Variants in SLC35F1 observed in about 807,000 individuals in gnomAD.
SLC35F1 encodes the protein chromosome 6 open reading frame 169.
SLC35F1 carries 14 observed loss-of-function variants against 48.7 expected under a neutral mutation model. The observed-to-expected ratio is 0.29, with a 90% CI of 0.19 to 0.45. The LOEUF is 0.45. Ranked by LOEUF, SLC35F1 falls within the 20% of genes least tolerant of loss-of-function variation. SLC35F1 has a pLI of 1.00. For missense variants in SLC35F1, 404 were observed against 500.0 expected (o/e 0.81, Z 1.83); for synonymous variants, 190 against 202.2 (o/e 0.94, Z 0.51).
intron 1 of SLC35F1, among the ~76,000 whole-genome samples, chr6:118,112,087 T>TTTA (rs772972832): frequency 0.14 from 1,911 of 13,734 alleles, 38 homozygotes; most frequent in South Asian, 0.38. Flanking sequence ...TATTTCTTTC[T>TTTA]TTTCTTTTCT....
intron 1 of SLC35F1, among the ~76,000 whole-genome samples, chr6:117,937,481 C>G (rs968141571): frequency 1.3e-5 from 2 of 152,140 alleles, no homozygotes; most frequent in African/African-American, 2.4e-5. Flanking sequence ...TAAAAAACTC[C>G]TGCCCAAATT....
intron 1 of SLC35F1, among the ~76,000 whole-genome samples, chr6:118,118,169 A>AT (rs1351587797): frequency 3.3e-5 from 5 of 152,298 alleles, no homozygotes; most frequent in East Asian, 3.9e-4. Context: ...TGTCAATACC[A>AT]TCTTGCATTT....
At chr6:118,037,315 T>C (rs575372623) in intron 1 of SLC35F1, among the ~76,000 whole-genome samples, 2 of 152,334 alleles carry the variant, frequency 1.3e-5, no homozygotes, top group East Asian at 3.9e-4. Flanking sequence ...TTGGGAAGTT[T>C]AGACCACTAT....
chr6:117,999,155 A>G, intron 1 of SLC35F1: 1 of 1,594,452 alleles, frequency 6.3e-7, no homozygotes, highest in East Asian at 2.2e-5. Context: ...GCAGGCCAAC[A>G]ATGCCAAGGC....
intron 2 of SLC35F1, among the ~76,000 whole-genome samples, chr6:118,225,069 A>G (rs149095516): frequency 1.3e-5 from 2 of 152,342 alleles, no homozygotes; most frequent in East Asian, 3.9e-4. Context: ...ATGGGTTGGA[A>G]GAATTAACAC....
chr6:117,947,530 TAGAG>T (rs113718821), intron 1 of SLC35F1, among the ~76,000 whole-genome samples: 1 of 152,060 alleles, frequency 6.6e-6, no homozygotes, highest in African/African-American at 2.4e-5. Context: ...AGAACAGAAT[TAGAG>T]AGATCACTTA....
chr6:117,997,109 G>A (rs976130354), intron 1 of SLC35F1, among the ~76,000 whole-genome samples: 22 of 151,638 alleles, frequency 1.5e-4, no homozygotes, highest in Admixed American at 1.2e-3. Context: ...GCCAAGGCTC[G>A]AGAACTACGT....
chr6:118,207,013 G>C (rs1037902433), intron 2 of SLC35F1, among the ~76,000 whole-genome samples: 3 of 152,130 alleles, frequency 2.0e-5, no homozygotes, highest in Non-Finnish European at 2.9e-5. Flanking sequence ...GTGAATGAAG[G>C]CTTCCTTTCC....
At chr6:117,974,600 A>C (rs1240219901) in intron 1 of SLC35F1, among the ~76,000 whole-genome samples, 1 of 152,282 alleles carries the variant, frequency 6.6e-6, no homozygotes, top group African/African-American at 2.4e-5. Flanking sequence ...TATTCTTAAG[A>C]ATTTTGGTCT....
At position 118,267,147 on chromosome 6, in the gene SLC35F1, G is replaced by A; in HGVS notation, c.630G>A (p.Gln210=). ...VGADVLVGRH[Q]GAGENKLVGD... Reference sequence around the variant, plus strand: ...CAGATGTGCTTGTGGGAAGACATCAGGGAGCAGGTGAGTCTTCGGATGTTC... The same window carrying A: ...CAGATGTGCTTGTGGGAAGACATCAAGGAGCAGGTGAGTCTTCGGATGTTC... The change falls in exon 4 of 8, where the codon CAG becomes CAA. Residue 210 remains glutamine (Q), a synonymous_variant. Transcript: ENST00000360388. 6.2e-7 allele frequency: 1 copy of A among 1,613,936 alleles called. No individual in the cohort carries two copies.
chr6:118,119,500 C>CCG (rs1197172439), intron 1 of SLC35F1, among the ~76,000 whole-genome samples: 1 of 80,398 alleles, frequency 1.2e-5, no homozygotes, highest in Non-Finnish European at 2.3e-5. Context: ...CGGCGCCCCC[C>CCG]CTCCACCCCG....
In SLC35F1 at chr6:117,913,845, G is replaced by T. The variant is rs2476203; in HGVS notation, c.173+5946G>T. 5.7e-3 allele frequency among the ~76,000 whole-genome samples: 869 copies of T among 152,264 alleles called. 8 individuals are homozygous for T. Among genetic ancestry groups the T allele is most frequent in the African/African-American group, 0.02 (812 of 41,554 alleles). On this transcript the variant is annotated intron_variant, in intron 1 of 7. Transcript: ENST00000360388. Reference sequence around the variant, plus strand: ...GTGGGAGGGTCATCTGAGGTCAGGAGTGTGAGACCAACCTGGCCAACATGG... The same window carrying T: ...GTGGGAGGGTCATCTGAGGTCAGGATTGTGAGACCAACCTGGCCAACATGG...
intron 2 of SLC35F1, among the ~76,000 whole-genome samples, chr6:118,179,791 A>T (rs953803667): frequency 1.3e-5 from 2 of 152,132 alleles, no homozygotes; most frequent in Non-Finnish European, 2.9e-5. Flanking sequence ...GCCAGATACG[A>T]GTGCAGGCCA....
At chr6:118,047,048 A>G (rs1299571625) in intron 1 of SLC35F1, among the ~76,000 whole-genome samples, 1 of 152,164 alleles carries the variant, frequency 6.6e-6, no homozygotes, top group Non-Finnish European at 1.5e-5. Flanking sequence ...AAATCCAAGA[A>G]GAGACATACT....
chr6:118,119,118 T>G (rs1157918258), intron 1 of SLC35F1, among the ~76,000 whole-genome samples: 9 of 152,130 alleles, frequency 5.9e-5, no homozygotes. Flanking sequence ...TAAAGTAAGA[T>G]AAGTATTGCT....
intron 1 of SLC35F1, among the ~76,000 whole-genome samples, chr6:117,908,810 T>G (rs1468409079): frequency 6.6e-6 from 1 of 152,214 alleles, no homozygotes; most frequent in Non-Finnish European, 1.5e-5. Context: ...TGTTCTTTTT[T>G]GTTTGGATGC....
intron 2 of SLC35F1, among the ~76,000 whole-genome samples, chr6:118,219,488 C>T (rs1212343177): frequency 1.3e-5 from 2 of 152,022 alleles, no homozygotes; most frequent in Non-Finnish European, 2.9e-5. Context: ...GTTAGAATGG[C>T]GATCATTAAA....
At chr6:118,150,843 T>C (rs1774045895) in intron 1 of SLC35F1, among the ~76,000 whole-genome samples, 2 of 152,222 alleles carry the variant, frequency 1.3e-5, no homozygotes, top group Admixed American at 6.5e-5. Flanking sequence ...CATGAATTTT[T>C]TGAATTCTTC....
At chr6:118,094,545 A>G (rs1007958161) in intron 1 of SLC35F1, among the ~76,000 whole-genome samples, 4 of 152,122 alleles carry the variant, frequency 2.6e-5, no homozygotes, top group Admixed American at 2.6e-4. Flanking sequence ...AAGTCAAAAG[A>G]CCAAATTCTA....
Sources: allele counts gnomAD v4.1 joint callset (sites outside exome capture counted in the v4.1 genomes callset), GRCh38; gene constraint gnomAD v4.1.1; transcripts MANE v1.5; gene names NCBI Gene and HGNC (gene_info 2026-07-23, HGNC 2026-07-21).